FSAF1: variants seen among roughly 807,000 people sequenced by gnomAD.
FSAF1 encodes uncharacterized protein C1orf131.
At chr1:231,233,361 A>T in the FSAF1 span, among the ~76,000 whole-genome samples, 2 of 152,164 alleles carry the variant, frequency 1.3e-5, no homozygotes, top group Non-Finnish European at 2.9e-5. Context: ...CAGCTCCATA[A>T]TCCTTTATCT....
chr1:231,237,769 C>T, the FSAF1 span: 2 of 152,182 alleles, frequency 1.3e-5, no homozygotes, highest in African/African-American at 2.4e-5. Context: ...GAAACTAATA[C>T]GTTCAATCCT....
At chr1:231,226,917 T>C in the FSAF1 span, 1 of 1,607,954 alleles carries the variant, frequency 6.2e-7, no homozygotes, top group Non-Finnish European at 8.5e-7. Flanking sequence ...TAGCTTTCCT[T>C]GCTCTTGCTT....
the FSAF1 span, chr1:231,224,160 A>C: frequency 3.3e-5 from 40 of 1,214,080 alleles, no homozygotes; most frequent in Non-Finnish European, 4.4e-5. Flanking sequence ...TTTTTTTCTA[A>C]AATGAAAAAG....
the FSAF1 span, among the ~76,000 whole-genome samples, chr1:231,227,418 C>T: frequency 1.3e-5 from 2 of 151,710 alleles, no homozygotes; most frequent in Non-Finnish European, 2.9e-5. Flanking sequence ...ACTATAGGCA[C>T]GCACCACCAC....
chr1:231,236,218 G>A, the FSAF1 span, among the ~76,000 whole-genome samples: 1 of 152,164 alleles, frequency 6.6e-6, no homozygotes, highest in Non-Finnish European at 1.5e-5. Context: ...GGCATACCCA[G>A]GATATGCCAT....
the FSAF1 span, chr1:231,224,373 C>G: frequency 6.2e-7 from 1 of 1,612,568 alleles, no homozygotes; most frequent in Non-Finnish European, 8.5e-7. Context: ...TCCAATCCGT[C>G]CATTTGACAA....
the FSAF1 span, among the ~76,000 whole-genome samples, chr1:231,233,504 T>C: frequency 6.6e-6 from 1 of 152,202 alleles, no homozygotes; most frequent in Admixed American, 6.5e-5. Flanking sequence ...TTAAACACAT[T>C]AATATTTCTG....
the FSAF1 span, chr1:231,238,105 C>T: frequency 6.6e-6 from 1 of 152,094 alleles, no homozygotes; most frequent in Non-Finnish European, 1.5e-5. Context: ...TGGCATGAAC[C>T]TGGGAGGTGG....
chr1:231,235,532 G>A, the FSAF1 span, among the ~76,000 whole-genome samples: 1 of 151,180 alleles, frequency 6.6e-6, no homozygotes, highest in Non-Finnish European at 1.5e-5. Flanking sequence ...TGGGCACAGT[G>A]GCTCTCACAC....
At chr1:231,234,232 T>C in the FSAF1 span, among the ~76,000 whole-genome samples, 1 of 152,198 alleles carries the variant, frequency 6.6e-6, no homozygotes. The surrounding 1 kb of genome is among the most constrained non-coding windows in gnomAD (Gnocchi z 4.0). Flanking sequence ...TATTCTATTA[T>C]GTGTTTCTTA....
chr1:231,230,244 A>G, the FSAF1 span, among the ~76,000 whole-genome samples: 1 of 152,146 alleles, frequency 6.6e-6, no homozygotes, highest in East Asian at 1.9e-4. Context: ...CACATCACAC[A>G]CAGAAAATTC....
At chr1:231,226,081 A>G in the FSAF1 span, among the ~76,000 whole-genome samples, 1 of 149,586 alleles carries the variant, frequency 6.7e-6, no homozygotes, top group East Asian at 2.0e-4. Flanking sequence ...GGATTGCTAT[A>G]GTTTGGATAG....
chr1:231,225,151 G>A, the FSAF1 span: 26 of 365,846 alleles, frequency 7.1e-5, no homozygotes, highest in South Asian at 1.5e-3. Context: ...ATGTCAAAGA[G>A]CAGGCTATAC....
chr1:231,238,834 A>T, the FSAF1 span: 1 of 1,588,834 alleles, frequency 6.3e-7, no homozygotes, highest in Non-Finnish European at 8.6e-7. Flanking sequence ...CACCACGTAT[A>T]TATAAGCTAA....
the FSAF1 span, among the ~76,000 whole-genome samples, chr1:231,239,616 G>A: frequency 6.6e-6 from 1 of 152,212 alleles, no homozygotes; most frequent in Non-Finnish European, 1.5e-5. Context: ...ATGAACCTAA[G>A]ACAACTGGCT....
chr1:231,232,617 C>T, the FSAF1 span, among the ~76,000 whole-genome samples: 3 of 152,130 alleles, frequency 2.0e-5, no homozygotes, highest in African/African-American at 7.2e-5. Flanking sequence ...CCTAACCTAT[C>T]GCAACTAATC....
chr1:231,238,791 G>C, the FSAF1 span: 1 of 1,427,616 alleles, frequency 7.0e-7, no homozygotes, highest in Non-Finnish European at 9.5e-7. Flanking sequence ...AGTCTAAAGA[G>C]CTATTCACCT....
chr1:231,226,985 C>T, the FSAF1 span: 1 of 1,614,206 alleles, frequency 6.2e-7, no homozygotes. Context: ...TAGCGCCCAG[C>T]ATAATGGCAC....
the FSAF1 span, among the ~76,000 whole-genome samples, chr1:231,233,807 T>A: frequency 1.3e-5 from 2 of 152,204 alleles, no homozygotes; most frequent in South Asian, 4.1e-4. Flanking sequence ...TGCCTCAGCC[T>A]CCCACAGTGC....
Sources: allele counts gnomAD v4.1 joint callset (sites outside exome capture counted in the v4.1 genomes callset), GRCh38; gene constraint gnomAD v4.1.1; non-coding constraint Gnocchi (gnomAD v3.1); transcripts MANE v1.5; gene names NCBI Gene and HGNC (gene_info 2026-07-23, HGNC 2026-07-21).